Variants in SCLT1 observed in about 807,000 individuals in gnomAD.
SCLT1 encodes the protein sodium channel and clathrin linker 1.
A neutral mutation model predicts 112.8 loss-of-function variants in SCLT1; 78 were observed. That is an observed-to-expected ratio of 0.69 (90% confidence interval 0.58 to 0.83). The LOEUF (loss-of-function observed/expected upper bound fraction) is 0.83, where lower values mean the gene tolerates loss of function less well. Among genes scored for constraint, SCLT1 ranks in the 40% least tolerant of loss-of-function variants. The pLI, the probability that SCLT1 is intolerant of heterozygous loss-of-function variation, is 0.00. For synonymous variants in SCLT1, 257 were observed against 254.7 expected (o/e 1.01, Z -0.09); for missense variants, 747 against 770.4 (o/e 0.97, Z 0.36).
chr4:128,880,038 T>A (rs544150179), downstream of SCLT1, among the ~76,000 whole-genome samples: 1 of 152,206 alleles, frequency 6.6e-6, no homozygotes, highest in African/African-American at 2.4e-5. Flanking sequence ...GGATGCCACA[T>A]GGATTTACTA....
chr4:128,980,276 T>A (rs1422941527), intron 9 of SCLT1, among the ~76,000 whole-genome samples: 2 of 152,072 alleles, frequency 1.3e-5, no homozygotes, highest in African/African-American at 4.8e-5. Context: ...ACATGAAACA[T>A]CTGAGAAAAA....
chr4:128,976,666 CA>C (rs1392871863), intron 9 of SCLT1, among the ~76,000 whole-genome samples: 1 of 151,826 alleles, frequency 6.6e-6, no homozygotes, highest in Non-Finnish European at 1.5e-5. Flanking sequence ...TGTTAAGCAA[CA>C]AAAAAATTAA....
At position 129,053,557 on chromosome 4, in the gene SCLT1, A is replaced by ATTTTTTTTTTTTTTTT. The variant is rs528905688; in HGVS notation, c.103-9522_103-9507dup. Among the ~76,000 whole-genome samples, 60 of 45,238 alleles carry ATTTTTTTTTTTTTTTT rather than the reference A, an allele frequency of 1.3e-3. 11 individuals carry two copies. Among genetic ancestry groups the ATTTTTTTTTTTTTTTT allele is most frequent in the African/African-American group, 1.5e-3 (17 of 11,012 alleles). The allele number at this position is 45,238 out of a possible 152,430, so 29.7% of individuals were successfully genotyped here. A position where few individuals can be genotyped will look rare whatever the true frequency, so the allele number is the denominator to read the frequency against. The stretch of plus-strand genomic sequence containing the variant: ...TTAGAGACTAGGATTGCAATCCCTG[A>ATTTTTTTTTTTTTTTT]TTTTTTTTTTTTTTTTTTTTTTTTT... On this transcript the variant is annotated intron_variant, in intron 2 of 20. Coordinates refer to ENST00000281142, the MANE Select transcript of SCLT1 (RefSeq NM_144643.4).
At chr4:128,971,211 A>G (rs1233273105) in intron 9 of SCLT1, 2 of 152,270 alleles carry the variant, frequency 1.3e-5, no homozygotes, top group Non-Finnish European at 2.9e-5. Flanking sequence ...CATTTTCAAG[A>G]AAAAAATACT....
chr4:128,943,249 AGTCT>A, intron 16 of SCLT1, 61 bp from the exon 17 acceptor site: 2 of 1,193,424 alleles, frequency 1.7e-6, no homozygotes, highest in Non-Finnish European at 2.3e-6. Flanking sequence ...AGAAGATAAA[AGTCT>A]GTCTACATTT....
chr4:128,975,183 C>T lies in SCLT1; in HGVS notation c.687-4715G>A, dbSNP rs112599496. On this transcript the variant is annotated intron_variant, in intron 9 of 20. Transcript: ENST00000281142. ...CCTCCTGAGTAGCTGGGACTACAGG[C>T]GCCCACCACCACGCCTGGCTAATTT... Among the ~76,000 whole-genome samples the T allele has an allele frequency of 4.8e-3, 730 of 151,560 alleles. 4 individuals are homozygous for T. Among genetic ancestry groups the T allele is most frequent in the African/African-American group, 0.016 (667 of 41,280 alleles).
intron 13 of SCLT1, among the ~76,000 whole-genome samples, chr4:128,956,638 G>GAATGGTAGAAA (rs1401560363): frequency 1.3e-5 from 2 of 152,090 alleles, no homozygotes; most frequent in Non-Finnish European, 2.9e-5. Context: ...CTACCACTTA[G>GAATGGTAGAAA]TTGCTTGGGA....
intron 18 of SCLT1, among the ~76,000 whole-genome samples, chr4:128,918,036 T>C (rs995274575): frequency 2.0e-5 from 3 of 152,132 alleles, no homozygotes; most frequent in African/African-American, 4.8e-5. Context: ...AGACCACAGA[T>C]ACACCTCAAA....
chr4:129,045,585 T>C (rs1230079603), intron 2 of SCLT1, among the ~76,000 whole-genome samples: 1 of 151,960 alleles, frequency 6.6e-6, no homozygotes, highest in South Asian at 2.1e-4. Flanking sequence ...TAAATTCACA[T>C]GTATCAAAAT....
chr4:129,054,108 C>G (rs1749122481), intron 2 of SCLT1, among the ~76,000 whole-genome samples: 1 of 152,164 alleles, frequency 6.6e-6, no homozygotes, highest in Non-Finnish European at 1.5e-5. Context: ...GCGTTTCTGC[C>G]AAGAGATTCG....
chr4:129,071,603 T>C (rs1751009190), intron 2 of SCLT1, among the ~76,000 whole-genome samples: 1 of 152,112 alleles, frequency 6.6e-6, no homozygotes. Flanking sequence ...TTTTGTCTGA[T>C]ATAAGAATGA....
At chr4:129,001,531 C>T (rs1743486955) in intron 6 of SCLT1, among the ~76,000 whole-genome samples, 1 of 151,830 alleles carries the variant, frequency 6.6e-6, no homozygotes, top group Non-Finnish European at 1.5e-5. Context: ...TATATTTATT[C>T]AAAAATTTTT....
At chr4:128,900,006 G>C (rs375082461) in intron 18 of SCLT1, among the ~76,000 whole-genome samples, 6 of 152,158 alleles carry the variant, frequency 3.9e-5, no homozygotes, top group South Asian at 4.2e-4. Context: ...CTACAAACCA[G>C]TGCTCAAGGA....
intron 14 of SCLT1, among the ~76,000 whole-genome samples, chr4:128,948,883 AT>A (rs1738441664): frequency 6.6e-6 from 1 of 152,170 alleles, no homozygotes; most frequent in Admixed American, 6.5e-5. Context: ...CTTATCAAGT[AT>A]TTTGAAAAGG....
At chr4:129,005,370 A>C (rs1199800921) in intron 5 of SCLT1, among the ~76,000 whole-genome samples, 1 of 152,224 alleles carries the variant, frequency 6.6e-6, no homozygotes, top group Non-Finnish European at 1.5e-5. Flanking sequence ...CTGAGAATTA[A>C]AGTGTCTTAT....
chr4:128,881,287 T>C (rs1446996392), downstream of SCLT1, among the ~76,000 whole-genome samples: 1 of 152,156 alleles, frequency 6.6e-6, no homozygotes, highest in Non-Finnish European at 1.5e-5. Flanking sequence ...TCATTACAAA[T>C]TTATTTTGAA....
chr4:129,018,331 G>A (rs1352363018), intron 5 of SCLT1, among the ~76,000 whole-genome samples: 1 of 152,180 alleles, frequency 6.6e-6, no homozygotes, highest in Non-Finnish European at 1.5e-5. Flanking sequence ...TATCATATTT[G>A]CCACAACCTG....
At chr4:129,085,185 C>T (rs1270414847) in intron 1 of SCLT1, among the ~76,000 whole-genome samples, 2 of 151,916 alleles carry the variant, frequency 1.3e-5, no homozygotes, top group Non-Finnish European at 2.9e-5. Context: ...AAAAAAATCC[C>T]ATTAAAAAGT....
rs760459571 is a variant in SCLT1, at chr4:128,907,711, C to CT, written c.1830-16575dup. 1.7e-3 allele frequency among the ~76,000 whole-genome samples: 252 copies of CT among 149,738 alleles called. 3 individuals carry two copies. Among genetic ancestry groups the CT allele is most frequent in the Non-Finnish European group, 1.7e-3 (118 of 67,646 alleles). ...ATAATTGGCCCATTTCTGTTTTTCTCTATCATAGAAATGAATATCCTAACC... is the reference window on the plus strand; with the variant it reads ...ATAATTGGCCCATTTCTGTTTTTCTCTTATCATAGAAATGAATATCCTAACC... On this transcript the variant is annotated intron_variant, in intron 18 of 20. Coordinates refer to ENST00000281142, the MANE Select transcript of SCLT1 (RefSeq NM_144643.4).
Sources: allele counts gnomAD v4.1 joint callset (sites outside exome capture counted in the v4.1 genomes callset), GRCh38; gene constraint gnomAD v4.1.1; transcripts MANE v1.5; gene names NCBI Gene and HGNC (gene_info 2026-07-23, HGNC 2026-07-21).